Variants in MECR observed in about 807,000 individuals in gnomAD.
The protein encoded by MECR is mitochondrial trans-2-enoyl-CoA reductase, also known as enoyl-[acyl-carrier-protein] reductase, mitochondrial.
A neutral mutation model predicts 49.1 loss-of-function variants in MECR; 37 were observed. The ratio of observed to expected loss-of-function variants is 0.75; its 90% CI spans 0.58 to 0.99. The LOEUF is 0.99. Among genes scored for constraint, MECR ranks in the 50% least tolerant of loss-of-function variants. MECR has a pLI of 0.00. For missense variants in MECR, 470 were observed against 479.6 expected (o/e 0.98, Z 0.19); for synonymous variants, 198 against 191.1 (o/e 1.04, Z -0.30).
intron 9 of MECR, 60 bp from the exon 10 acceptor site, chr1:29,194,239 G>A: frequency 1.3e-6 from 2 of 1,531,418 alleles, no homozygotes; most frequent in Non-Finnish European, 1.8e-6. Context: ...GTGAGATGTG[G>A]CACGGGGCTG....
At chr1:29,217,398 G>GTAGAGA (rs1679758739) in intron 1 of MECR, among the ~76,000 whole-genome samples, 1 of 151,592 alleles carries the variant, frequency 6.6e-6, no homozygotes, top group African/African-American at 2.4e-5. Context: ...TATTTTTTTA[G>GTAGAGA]TAGAGATGGG....
chr1:29,227,799 T>G (rs1290081464), intron 1 of MECR, among the ~76,000 whole-genome samples: 3 of 152,184 alleles, frequency 2.0e-5, no homozygotes, highest in Non-Finnish European at 4.4e-5. Context: ...CTAAACCTTG[T>G]AAGACATGAC....
the MECR span, chr1:29,169,873 GA>G: frequency 1.3e-5 from 2 of 152,296 alleles, no homozygotes; most frequent in East Asian, 3.9e-4. Flanking sequence ...AGGTAGAGAG[GA>G]ATCTGCATCA....
chr1:29,184,854 G>A, the MECR span, among the ~76,000 whole-genome samples: 1 of 152,182 alleles, frequency 6.6e-6, no homozygotes, highest in African/African-American at 2.4e-5. Flanking sequence ...GCCAGGCACA[G>A]TGGCTCACAC....
At chr1:29,227,488 A>G (rs1357312173) in intron 1 of MECR, among the ~76,000 whole-genome samples, 1 of 152,242 alleles carries the variant, frequency 6.6e-6, no homozygotes, top group East Asian at 1.9e-4. Context: ...AAAATGGCTT[A>G]GGAGAGAACA....
chr1:29,191,623 G>A (rs1329295412), downstream of MECR, among the ~76,000 whole-genome samples: 1 of 152,150 alleles, frequency 6.6e-6, no homozygotes, highest in Non-Finnish European at 1.5e-5. Context: ...AGAGGACAGG[G>A]ACCAGGAAAG....
chr1:29,181,585 G>T, the MECR span: 1 of 1,387,744 alleles, frequency 7.2e-7, no homozygotes, highest in Non-Finnish European at 9.8e-7. Context: ...CGTCCCCGCG[G>T]CCTCCCCACC....
chr1:29,218,998 G>C (rs1420761662), intron 1 of MECR, among the ~76,000 whole-genome samples: 1 of 152,138 alleles, frequency 6.6e-6, no homozygotes, highest in African/African-American at 2.4e-5. Flanking sequence ...TGGCTGACCT[G>C]ATTTGAACCT....
At chr1:29,228,067 G>T (rs1466701) in intron 1 of MECR, among the ~76,000 whole-genome samples, 1 of 151,748 alleles carries the variant, frequency 6.6e-6, no homozygotes, top group Admixed American at 6.6e-5. Context: ...GAATACATAC[G>T]GTAGTTTCTA....
intron 1 of MECR, chr1:29,223,231 A>T: frequency 1.0e-6 from 1 of 985,424 alleles, no homozygotes; most frequent in Non-Finnish European, 1.2e-6. Flanking sequence ...ATAAGGTCAC[A>T]ATGGCTCCTT....
chr1:29,220,792 G>C (rs540727629), intron 1 of MECR: 10 of 491,360 alleles, frequency 2.0e-5, no homozygotes, highest in Non-Finnish European at 2.1e-5. Context: ...TCAGTTCACG[G>C]GATTAAATGA....
intron 2 of MECR, 105 bp downstream of exon 2, chr1:29,216,483 G>C (rs574449171): frequency 8.6e-7 from 1 of 1,158,900 alleles, no homozygotes. Context: ...GAGAACAGCT[G>C]CTGCTAATCA....
At chr1:29,183,704 A>G in the MECR span, among the ~76,000 whole-genome samples, 4 of 152,190 alleles carry the variant, frequency 2.6e-5, no homozygotes, top group Non-Finnish European at 5.9e-5. Flanking sequence ...ACTATATATT[A>G]GGAAAATCAG....
At chr1:29,202,249 GTGAGAC>G (rs1187848762) in intron 5 of MECR, among the ~76,000 whole-genome samples, 5 of 152,232 alleles carry the variant, frequency 3.3e-5, no homozygotes, top group African/African-American at 1.2e-4. Flanking sequence ...TGGCAACAGA[GTGAGAC>G]TGGGTGGTTT....
intron 3 of MECR, among the ~76,000 whole-genome samples, chr1:29,207,183 G>A (rs954190116): frequency 6.6e-6 from 1 of 151,896 alleles, no homozygotes; most frequent in Admixed American, 6.6e-5. Flanking sequence ...GTGCAATGGC[G>A]CGATCTTGGC....
At chr1:29,224,342 GA>G (rs1681522129) in intron 1 of MECR, 2 of 152,190 alleles carry the variant, frequency 1.3e-5, no homozygotes, top group South Asian at 4.1e-4. Flanking sequence ...CAAGGGCCAA[GA>G]GGGGGTCCTT....
intron 3 of MECR, among the ~76,000 whole-genome samples, chr1:29,215,592 CA>C (rs1443378769): frequency 3.3e-5 from 5 of 151,532 alleles, no homozygotes; most frequent in Non-Finnish European, 7.4e-5. Flanking sequence ...AAAACAAGGC[CA>C]AGCGTGGTGG....
chr1:29,181,875 A>T, the MECR span: 1 of 708,590 alleles, frequency 1.4e-6, no homozygotes, highest in African/African-American at 1.9e-5. Context: ...GACGCAGCCG[A>T]ACCCCGGCGA....
chr1:29,176,682 G>A, the MECR span, among the ~76,000 whole-genome samples: 1 of 152,078 alleles, frequency 6.6e-6, no homozygotes, highest in Non-Finnish European at 1.5e-5. Flanking sequence ...CCTCCAGTGA[G>A]CAGTGACATA....
Sources: gnomAD v4.1 joint callset for allele counts (sites outside exome capture counted in the v4.1 genomes callset) on GRCh38, gnomAD v4.1.1 for gene constraint, MANE v1.5 for transcripts, NCBI Gene and HGNC (gene_info 2026-07-23, HGNC 2026-07-21) for gene names.